SCAPER: variants seen among roughly 807,000 people sequenced by gnomAD.
SCAPER encodes S phase cyclin A-associated protein in the endoplasmic reticulum.
A neutral mutation model predicts 182.2 loss-of-function variants in SCAPER; 98 were observed. That is an observed-to-expected ratio of 0.54 (90% CI 0.46 to 0.64). SCAPER has a LOEUF of 0.64. Ranked by LOEUF, SCAPER falls within the 30% of genes least tolerant of loss-of-function variation. SCAPER has a pLI of 0.00. For missense variants in SCAPER, 1,432 were observed against 1,690.0 expected, an observed-to-expected ratio of 0.85 and a Z score of 2.68; for synonymous variants, 605 against 564.6, an observed-to-expected ratio of 1.07 and a Z score of -1.01.
Position 76,765,650 on chromosome 15 carries a change from T to C in SCAPER, c.1420-12A>G, listed in dbSNP as rs1367836908. On this transcript the variant is annotated splice_polypyrimidine_tract_variant and intron_variant, in intron 11 of 31. Coordinates refer to ENST00000563290, the MANE Select transcript of SCAPER (RefSeq NM_020843.4). ...CTGCCCATGCTGGCCTAAAATGTAA[T>C]AAGGGAAGTTGAAAATCAAATCTTT... 29 of 1,560,098 alleles carry C rather than the reference T, an allele frequency of 1.9e-5. No individual in the cohort carries two copies. The highest frequency in any genetic ancestry group is 2.5e-5 in the Non-Finnish European group (29 of 1,149,994).
chr15:76,563,640 G>A (rs774942437), intron 23 of SCAPER, among the ~76,000 whole-genome samples: 1 of 152,090 alleles, frequency 6.6e-6, no homozygotes, highest in Non-Finnish European at 1.5e-5. Flanking sequence ...AAAAATTGAG[G>A]AGGGACTCCC....
chr15:76,434,801 G>A (rs2047088247), intron 25 of SCAPER, among the ~76,000 whole-genome samples: 1 of 152,028 alleles, frequency 6.6e-6, no homozygotes. Flanking sequence ...TCTTTCCCTA[G>A]TACATAATGC....
intron 2 of SCAPER, among the ~76,000 whole-genome samples, chr15:76,880,192 A>C (rs1207331426): frequency 6.6e-6 from 1 of 152,218 alleles, no homozygotes; most frequent in Non-Finnish European, 1.5e-5. Flanking sequence ...TCTTTTCTTG[A>C]TAACTTCAGG....
chr15:76,863,642 G>C (rs928514514), intron 2 of SCAPER, among the ~76,000 whole-genome samples: 4 of 152,128 alleles, frequency 2.6e-5, no homozygotes, highest in Non-Finnish European at 5.9e-5. Context: ...AACAAGTATG[G>C]TAGGTAGTCT....
At chr15:76,566,197 T>G (rs2047023445) in intron 23 of SCAPER, among the ~76,000 whole-genome samples, 1 of 152,074 alleles carries the variant, frequency 6.6e-6, no homozygotes, top group Non-Finnish European at 1.5e-5. Flanking sequence ...AGGAAAATGG[T>G]AGGGAAGAGT....
intron 31 of SCAPER, chr15:76,349,324 T>G (rs1199932829): frequency 6.6e-6 from 1 of 152,228 alleles, no homozygotes; most frequent in Non-Finnish European, 1.5e-5. Context: ...AAAGTCTATT[T>G]AATTTAAAAC....
chr15:76,851,081 G>A (rs544328284), intron 4 of SCAPER, among the ~76,000 whole-genome samples: 1 of 152,046 alleles, frequency 6.6e-6, no homozygotes, highest in South Asian at 2.1e-4. Context: ...TAACAGAATA[G>A]ACCAAGCTGA....
rs77212798 is a variant in SCAPER, at chr15:76,444,316, GT to G, written c.3079-10007del. Among the ~76,000 whole-genome samples, 23 of 152,202 alleles carry G rather than the reference GT, an allele frequency of 1.5e-4. No individual in the cohort carries two copies. In the East Asian group the frequency reaches 3.9e-3, roughly 26 times the overall value. Reference sequence around the variant, plus strand: ...CATGGTTAAATTCCCAGGACCCTTAGTTTTTTAGGGATGAATTAGGTGGCTG... The same window carrying G: ...CATGGTTAAATTCCCAGGACCCTTAGTTTTTAGGGATGAATTAGGTGGCTG... On this transcript the variant is annotated intron_variant, in intron 25 of 31. Coordinates refer to ENST00000563290, the MANE Select transcript of SCAPER (RefSeq NM_020843.4).
At chr15:76,512,661 A>C (rs1247807746) in intron 23 of SCAPER, among the ~76,000 whole-genome samples, 1 of 151,790 alleles carries the variant, frequency 6.6e-6, no homozygotes, top group Non-Finnish European at 1.5e-5. Context: ...TTAAAAAAAA[A>C]CCCTCCAAAA....
chr15:76,855,005 AT>A (rs1392948760), intron 4 of SCAPER, among the ~76,000 whole-genome samples: 21 of 151,788 alleles, frequency 1.4e-4, no homozygotes, highest in Admixed American at 1.4e-3. Context: ...CCCTAGAGGC[AT>A]CAATGCTACC....
At chr15:76,877,596 G>A (rs1049351031) in intron 2 of SCAPER, among the ~76,000 whole-genome samples, 1 of 152,198 alleles carries the variant, frequency 6.6e-6, no homozygotes, top group Non-Finnish European at 1.5e-5. Context: ...CTCCTAAAGT[G>A]ATGTACTGAG....
chr15:76,769,834 C>T (rs1389085335), intron 10 of SCAPER, among the ~76,000 whole-genome samples: 1 of 152,082 alleles, frequency 6.6e-6, no homozygotes, highest in Non-Finnish European at 1.5e-5. Flanking sequence ...TACCATTTGA[C>T]CCAGCGATCC....
intron 8 of SCAPER, among the ~76,000 whole-genome samples, chr15:76,795,054 A>T (rs1023491157): frequency 2.0e-5 from 3 of 152,232 alleles, no homozygotes; most frequent in African/African-American, 7.2e-5. Flanking sequence ...CATTCTCTTT[A>T]AAGTTTACAC....
chr15:76,667,156 C>T (rs1440136339), intron 20 of SCAPER, among the ~76,000 whole-genome samples: 4 of 152,134 alleles, frequency 2.6e-5, no homozygotes, highest in Non-Finnish European at 5.9e-5. Context: ...CCACCCTTAC[C>T]AATCTACAAA....
At chr15:76,505,208 T>C (rs1193662290) in intron 23 of SCAPER, among the ~76,000 whole-genome samples, 3 of 152,086 alleles carry the variant, frequency 2.0e-5, no homozygotes, top group African/African-American at 7.2e-5. Context: ...AATTGGTAGA[T>C]GGCAAGCACA....
At chr15:76,578,671 C>T (rs1478184362) in intron 22 of SCAPER, among the ~76,000 whole-genome samples, 2 of 152,238 alleles carry the variant, frequency 1.3e-5, no homozygotes, top group Admixed American at 6.5e-5. Flanking sequence ...CCCCCAAATG[C>T]AGATATAACT....
chr15:76,721,357 T>C (rs925708357), intron 17 of SCAPER, among the ~76,000 whole-genome samples: 6 of 151,850 alleles, frequency 4.0e-5, no homozygotes, highest in Admixed American at 1.3e-4. Context: ...AGTCAGGTAG[T>C]GTGATGCCTC....
intron 25 of SCAPER, among the ~76,000 whole-genome samples, chr15:76,464,435 T>C (rs1483134096): frequency 6.6e-6 from 1 of 152,064 alleles, no homozygotes; most frequent in African/African-American, 2.4e-5. Flanking sequence ...TATACCCAAA[T>C]CTGCATATTC....
intron 26 of SCAPER, among the ~76,000 whole-genome samples, chr15:76,423,496 T>C (rs1265567637): frequency 6.6e-6 from 1 of 152,236 alleles, no homozygotes; most frequent in African/African-American, 2.4e-5. Context: ...TGTGTCTATT[T>C]GATTATTCTC....
Sources: allele counts gnomAD v4.1 joint callset (sites outside exome capture counted in the v4.1 genomes callset), GRCh38; gene constraint gnomAD v4.1.1; transcripts MANE v1.5; gene names NCBI Gene and HGNC (gene_info 2026-07-23, HGNC 2026-07-21).